ITPR2: variants seen among roughly 807,000 people sequenced by gnomAD.
ITPR2 encodes the protein inositol 1,4,5-trisphosphate-gated calcium channel ITPR2.
In ITPR2, 207 loss-of-function variants were observed where a neutral mutation model predicts 317.1. That is an observed-to-expected ratio of 0.65 (90% CI 0.58 to 0.73). ITPR2 has a LOEUF of 0.73. ITPR2 is among the 30% of genes least tolerant of loss of function. The probability of loss-of-function intolerance (pLI) is 0.00; values close to 1 mark genes in which losing one functional copy is unlikely to be tolerated. For synonymous variants in ITPR2, 1,156 were observed against 1,149.1 expected (o/e 1.01, Z -0.12); for missense variants, 2,613 against 3,284.0 (o/e 0.80, Z 4.99).
At chr12:26,340,018 G>T in intron 56 of ITPR2, 149 bp downstream of exon 56, 1 of 618,582 alleles carries the variant, frequency 1.6e-6, no homozygotes, top group Non-Finnish European at 2.5e-6. Flanking sequence ...TTGCTGGGAT[G>T]TGGTTCTACA....
At chr12:26,598,649 C>T (rs1945913207) in intron 30 of ITPR2, among the ~76,000 whole-genome samples, 1 of 151,956 alleles carries the variant, frequency 6.6e-6, no homozygotes, top group Non-Finnish European at 1.5e-5. Context: ...GTAACTTACT[C>T]TAAGTAGTAA....
intron 55 of ITPR2, among the ~76,000 whole-genome samples, chr12:26,384,379 T>C (rs988305096): frequency 7.2e-5 from 11 of 152,190 alleles, no homozygotes; most frequent in African/African-American, 2.4e-4. Flanking sequence ...CCTGAGTTAA[T>C]ATCACTCTTC....
At chr12:26,380,076 T>G (rs1939460085) in intron 55 of ITPR2, among the ~76,000 whole-genome samples, 1 of 152,198 alleles carries the variant, frequency 6.6e-6, no homozygotes, top group South Asian at 2.1e-4. Context: ...ATTCTACCCA[T>G]GAAAATCATT....
At chr12:26,369,897 C>T (rs920199651) in intron 55 of ITPR2, among the ~76,000 whole-genome samples, 6 of 152,086 alleles carry the variant, frequency 3.9e-5, no homozygotes, top group Non-Finnish European at 7.4e-5. Flanking sequence ...ATCATGCCTA[C>T]GTAATGAAAC....
chr12:26,515,946 CAA>C (rs34382778), intron 37 of ITPR2, among the ~76,000 whole-genome samples: 2 of 141,044 alleles, frequency 1.4e-5, no homozygotes, highest in South Asian at 2.3e-4. Context: ...TCCATCTCTA[CAA>C]AAAAAAAAGA....
At chr12:26,780,224 C>A (rs1403517261) in intron 2 of ITPR2, among the ~76,000 whole-genome samples, 1 of 152,180 alleles carries the variant, frequency 6.6e-6, no homozygotes, top group African/African-American at 2.4e-5. Context: ...CAACACTGAG[C>A]CTTCGATATG....
intron 10 of ITPR2, among the ~76,000 whole-genome samples, chr12:26,694,372 T>C (rs982280632): frequency 6.6e-6 from 1 of 152,222 alleles, no homozygotes; most frequent in Admixed American, 6.5e-5. Flanking sequence ...TTTATTAAGA[T>C]ACCAATTATA....
intron 34 of ITPR2, among the ~76,000 whole-genome samples, chr12:26,573,000 T>TATTC (rs1945199576): frequency 7.7e-6 from 1 of 129,688 alleles, no homozygotes; most frequent in South Asian, 2.6e-4. Flanking sequence ...GGATTTCATT[T>TATTC]ATTTATTTAT....
chr12:26,553,928 C>T (rs1241874667), intron 36 of ITPR2, among the ~76,000 whole-genome samples: 1 of 152,196 alleles, frequency 6.6e-6, no homozygotes, highest in Non-Finnish European at 1.5e-5. Flanking sequence ...AATCCTGAGG[C>T]TCTGGCTGTA....
chr12:26,701,664 C>A (rs1452675760), intron 9 of ITPR2, among the ~76,000 whole-genome samples: 4 of 152,058 alleles, frequency 2.6e-5, no homozygotes, highest in Admixed American at 2.0e-4. Flanking sequence ...TGAGAGAGAA[C>A]TAAACATAGA....
chr12:26,426,445 C>G (rs1383165906), intron 49 of ITPR2, among the ~76,000 whole-genome samples: 5 of 152,056 alleles, frequency 3.3e-5, no homozygotes, highest in Non-Finnish European at 5.9e-5. Context: ...CTGAATGTTT[C>G]AATGCCAGCT....
intron 9 of ITPR2, among the ~76,000 whole-genome samples, chr12:26,704,609 A>ATAG (rs1269336413): frequency 6.6e-6 from 1 of 151,856 alleles, no homozygotes; most frequent in Non-Finnish European, 1.5e-5. Context: ...AATAATGATA[A>ATAG]TAATAAAACA....
chr12:26,432,512 AG>A (rs1941238220), intron 48 of ITPR2, among the ~76,000 whole-genome samples: 1 of 152,150 alleles, frequency 6.6e-6, no homozygotes, highest in African/African-American at 2.4e-5. Flanking sequence ...TTCATAATTA[AG>A]TATACTGTGG....
intron 49 of ITPR2, among the ~76,000 whole-genome samples, chr12:26,421,023 G>T (rs1372433136): frequency 6.6e-6 from 1 of 152,020 alleles, no homozygotes; most frequent in Non-Finnish European, 1.5e-5. Context: ...AAAGACGAAT[G>T]ATATGTTTAA....
Position 26,426,083 on chromosome 12 carries a change from C to T in ITPR2, c.6945+1830G>A, listed in dbSNP as rs140822775. 6.3e-3 allele frequency among the ~76,000 whole-genome samples: 964 copies of T among 152,180 alleles called. 12 individuals are homozygous for T. The highest frequency in any genetic ancestry group is 0.051 in the South Asian group (243 of 4,802). The stretch of plus-strand genomic sequence containing the variant: ...GCTTCTGGATGGCAAGAACCATTTC[C>T]TTTATCGTCTTGGTATTTTTAGTGT... On this transcript the variant is annotated intron_variant, in intron 49 of 56. Coordinates refer to ENST00000381340, the MANE Select transcript of ITPR2 (RefSeq NM_002223.4).
At chr12:26,522,320 G>T (rs1052149645) in intron 37 of ITPR2, among the ~76,000 whole-genome samples, 2 of 152,174 alleles carry the variant, frequency 1.3e-5, no homozygotes, top group East Asian at 3.8e-4. Context: ...TAGACTATTA[G>T]ACATGAAGTA....
chr12:26,693,642 A>T (rs1362538510), intron 10 of ITPR2, among the ~76,000 whole-genome samples: 3 of 152,154 alleles, frequency 2.0e-5, no homozygotes, highest in Non-Finnish European at 1.5e-5. Flanking sequence ...GTATTATTAT[A>T]TTTTGGTGTT....
At chr12:26,517,837 C>CAAACAAAACA (rs145030888) in intron 37 of ITPR2, among the ~76,000 whole-genome samples, 1 of 151,960 alleles carries the variant, frequency 6.6e-6, no homozygotes. Context: ...GACTCTGTAT[C>CAAACAAAACA]AAACAAAACA....
At chr12:26,440,660 G>T (rs901426499) in intron 46 of ITPR2, among the ~76,000 whole-genome samples, 3 of 151,862 alleles carry the variant, frequency 2.0e-5, no homozygotes, top group African/African-American at 4.8e-5. Flanking sequence ...TTGCATATAG[G>T]TTACAAAAAT....
Sources: allele counts gnomAD v4.1 joint callset (sites outside exome capture counted in the v4.1 genomes callset), GRCh38; gene constraint gnomAD v4.1.1; transcripts MANE v1.5; gene names NCBI Gene and HGNC (gene_info 2026-07-23, HGNC 2026-07-21).